The following NEBL variants were observed in gnomAD, a reference collection of about 807,000 sequenced individuals.
NEBL encodes the protein LIM and SH3 protein 2.
A neutral mutation model predicts 140.2 loss-of-function variants in NEBL; 122 were observed. That is an observed-to-expected ratio of 0.87 (90% CI 0.75 to 1.01). The LOEUF (loss-of-function observed/expected upper bound fraction) is 1.01. Among genes scored for constraint, NEBL ranks in the 50% least tolerant of loss-of-function variants. The probability of loss-of-function intolerance (pLI) is 0.00; values close to 1 mark genes in which losing one functional copy is unlikely to be tolerated. For missense variants in NEBL, 1,365 were observed against 1,231.3 expected (o/e 1.11, Z -1.62); for synonymous variants, 436 against 398.9 (o/e 1.09, Z -1.11).
intron 2 of NEBL, among the ~76,000 whole-genome samples, chr10:21,168,453 T>C (rs898537976): frequency 6.6e-6 from 1 of 152,174 alleles, no homozygotes; most frequent in African/African-American, 2.4e-5. Flanking sequence ...ATAACTGATA[T>C]TGAATCTCTA....
chr10:21,058,815 G>A (rs1227745313), intron 2 of NEBL, among the ~76,000 whole-genome samples: 1 of 152,104 alleles, frequency 6.6e-6, no homozygotes, highest in Non-Finnish European at 1.5e-5. Flanking sequence ...AACCAATTCT[G>A]AAATCAATCA....
chr10:20,909,814 T>C (rs1413287132), intron 4 of NEBL, among the ~76,000 whole-genome samples: 1 of 152,098 alleles, frequency 6.6e-6, no homozygotes, highest in African/African-American at 2.4e-5. Flanking sequence ...GGAAACAATT[T>C]ATACAATGGC....
rs538485155 is a variant in NEBL, at chr10:21,213,746, G to A, written n.348+34175C>T. ...GCAGCCTTTAGCTATAATGTAAGTGGAGTTTATATCTTAAATAAATTATTC... is the reference window on the plus strand; with the variant it reads ...GCAGCCTTTAGCTATAATGTAAGTGAAGTTTATATCTTAAATAAATTATTC... On this transcript the variant is annotated intron_variant and non_coding_transcript_variant, in intron 3 of 8. Coordinates refer to the NEBL transcript ENST00000675702. Among the ~76,000 whole-genome samples the A allele has an allele frequency of 2.0e-5, 3 of 152,204 alleles. No individual in the cohort carries two copies. The South Asian group carries it at 6.2e-4, about 32-fold the overall frequency.
chr10:21,116,900 G>T (rs1468911508), intron 2 of NEBL, among the ~76,000 whole-genome samples: 1 of 152,002 alleles, frequency 6.6e-6, no homozygotes, highest in Non-Finnish European at 1.5e-5. Flanking sequence ...ATGAATTCCT[G>T]GGCTCAAGCA....
chr10:20,789,866 T>C (rs1207228709), intron 26 of NEBL, among the ~76,000 whole-genome samples: 6 of 149,560 alleles, frequency 4.0e-5, no homozygotes, highest in South Asian at 2.1e-4. Flanking sequence ...TATATATATA[T>C]ACATACACAT....
At chr10:21,136,314 C>A (rs1335502431) in intron 2 of NEBL, among the ~76,000 whole-genome samples, 1 of 152,180 alleles carries the variant, frequency 6.6e-6, no homozygotes, top group Non-Finnish European at 1.5e-5. Flanking sequence ...AATCCAAGGA[C>A]TGCTCTCCTT....
At chr10:20,810,259 T>A (rs1418057116) in intron 24 of NEBL, among the ~76,000 whole-genome samples, 1 of 152,102 alleles carries the variant, frequency 6.6e-6, no homozygotes, top group Non-Finnish European at 1.5e-5. Context: ...TCACTCTTGC[T>A]CTCCACAGGC....
intron 2 of NEBL, chr10:21,030,591 G>C: frequency 1.6e-6 from 1 of 635,084 alleles, no homozygotes; most frequent in Non-Finnish European, 2.9e-6. Flanking sequence ...CAAGTGGTGG[G>C]GGAAAAGTAA....
intron 3 of NEBL, among the ~76,000 whole-genome samples, chr10:21,198,318 A>G (rs929943190): frequency 6.6e-6 from 1 of 152,196 alleles, no homozygotes; most frequent in African/African-American, 2.4e-5. Flanking sequence ...TTTAGGATGT[A>G]TTAGGAAGAA....
At chr10:20,943,767 T>C (rs1268721949) in intron 4 of NEBL, among the ~76,000 whole-genome samples, 1 of 152,214 alleles carries the variant, frequency 6.6e-6, no homozygotes, top group Non-Finnish European at 1.5e-5. Context: ...CGTTCAAAAC[T>C]ATTCAGTTAC....
chr10:20,814,698 A>G (rs1423619173), intron 22 of NEBL, among the ~76,000 whole-genome samples: 1 of 152,108 alleles, frequency 6.6e-6, no homozygotes, highest in Non-Finnish European at 1.5e-5. Context: ...ATAGAACCCA[A>G]AGTTATTTTG....
At chr10:20,965,219 C>T (rs1836248117) in intron 3 of NEBL, among the ~76,000 whole-genome samples, 1 of 152,118 alleles carries the variant, frequency 6.6e-6, no homozygotes, top group South Asian at 2.1e-4. Flanking sequence ...CTTCATGGGG[C>T]TTATGTTAAT....
At chr10:20,933,872 T>A (rs1176538005) in intron 4 of NEBL, among the ~76,000 whole-genome samples, 10 of 152,218 alleles carry the variant, frequency 6.6e-5, no homozygotes, top group Non-Finnish European at 2.9e-5. Flanking sequence ...GTTCTTATCT[T>A]GGGGAGATGA....
intron 2 of NEBL, among the ~76,000 whole-genome samples, chr10:21,084,010 T>C (rs1293680618): frequency 1.3e-5 from 2 of 152,192 alleles, no homozygotes; most frequent in Non-Finnish European, 2.9e-5. Context: ...AATTGTCATC[T>C]TGGGAAAAAA....
chr10:21,286,038 G>T (rs751734131), intron 1 of NEBL, among the ~76,000 whole-genome samples: 5 of 152,084 alleles, frequency 3.3e-5, no homozygotes, highest in East Asian at 3.9e-4. Context: ...TTCCATCTCT[G>T]GTTCTCCCCC....
In NEBL at chr10:20,835,702, A is replaced by T. The variant is rs145442025; in HGVS notation, c.1339-79T>A. The T allele has an allele frequency of 3.1e-4, 308 of 981,244 alleles. No homozygotes were observed. The African/African-American group carries it at 4.1e-3, about 13-fold the overall frequency. The allele number at this position is 981,244 out of a possible 1,614,324, so 60.8% of individuals were successfully genotyped here. ...CTGCAGTCAATGATACTAAAAAAAA[A>T]ATAGTTAGACATATTTTACAAAAGA... On this transcript the variant is annotated intron_variant, in intron 13 of 27. Coordinates refer to ENST00000377122, the MANE Select transcript of NEBL (RefSeq NM_006393.3).
At chr10:21,015,148 T>C (rs896416099) in intron 3 of NEBL, among the ~76,000 whole-genome samples, 1 of 152,152 alleles carries the variant, frequency 6.6e-6, no homozygotes, top group Non-Finnish European at 1.5e-5. Context: ...TATTGTTTTG[T>C]CTTCATTTTA....
At chr10:20,990,440 GCTCT>G (rs995409582) in intron 3 of NEBL, among the ~76,000 whole-genome samples, 1 of 151,352 alleles carries the variant, frequency 6.6e-6, no homozygotes, top group African/African-American at 2.4e-5. Flanking sequence ...CACAGCACTA[GCTCT>G]CTCTCTCTCT....
intron 4 of NEBL, among the ~76,000 whole-genome samples, chr10:20,953,757 C>G (rs544453992): frequency 4.6e-5 from 7 of 151,912 alleles, no homozygotes; most frequent in African/African-American, 1.7e-4. Flanking sequence ...AAATTGAAAG[C>G]AACTTGAGAA....
Sources: allele counts gnomAD v4.1 joint callset (sites outside exome capture counted in the v4.1 genomes callset), GRCh38; gene constraint gnomAD v4.1.1; transcripts MANE v1.5; gene names NCBI Gene and HGNC (gene_info 2026-07-23, HGNC 2026-07-21).